Variants in OXR1 observed in about 807,000 individuals in gnomAD.
OXR1 encodes the protein oxidation resistance protein 1.
In OXR1, 41 loss-of-function variants were observed where a neutral mutation model predicts 104.6. The ratio of observed to expected loss-of-function variants is 0.39; its 90% CI spans 0.31 to 0.51. OXR1 has a LOEUF of 0.51. Among genes scored for constraint, OXR1 ranks in the 20% least tolerant of loss-of-function variants. The pLI is 0.77. For missense variants in OXR1, 955 were observed against 1,031.9 expected (o/e 0.93, Z 1.02); for synonymous variants, 348 against 348.4 (o/e 1.00, Z 0.01).
intron 2 of OXR1, among the ~76,000 whole-genome samples, chr8:106,469,127 T>C (rs942891061): frequency 6.6e-6 from 1 of 151,824 alleles, no homozygotes; most frequent in Non-Finnish European, 1.5e-5. Context: ...GTGAACATGA[T>C]AACCAAAGTC....
At chr8:106,294,505 G>C (rs1812906292) in intron 1 of OXR1, among the ~76,000 whole-genome samples, 2 of 151,982 alleles carry the variant, frequency 1.3e-5, no homozygotes, top group Admixed American at 6.6e-5. Flanking sequence ...GCATGGTGCT[G>C]GCCTCTTCTC....
intron 3 of OXR1, among the ~76,000 whole-genome samples, chr8:106,653,686 T>C (rs1824816506): frequency 1.3e-5 from 2 of 151,972 alleles, no homozygotes. Flanking sequence ...AATTCAGGAA[T>C]AAAACGATAT....
intron 1 of OXR1, among the ~76,000 whole-genome samples, chr8:106,297,658 T>C (rs970050081): frequency 6.6e-6 from 1 of 152,216 alleles, no homozygotes; most frequent in South Asian, 2.1e-4. Flanking sequence ...ATGCCATACA[T>C]AGTTGACTAA....
At chr8:106,554,598 G>A (rs1816120509) in intron 3 of OXR1, among the ~76,000 whole-genome samples, 1 of 152,130 alleles carries the variant, frequency 6.6e-6, no homozygotes, top group Non-Finnish European at 1.5e-5. Flanking sequence ...TGTATATGGT[G>A]ACTCTTAATG....
chr8:106,551,789 C>CATATATAT (rs200289561), intron 3 of OXR1, among the ~76,000 whole-genome samples: 101 of 127,296 alleles, frequency 7.9e-4, no homozygotes, highest in African/African-American at 1.3e-3. Context: ...CTCCACTATA[C>CATATATAT]ATATATATAT....
rs752921158 is a variant in OXR1, at chr8:106,631,652, TTC to T, written c.221-47556_221-47555del. Among the ~76,000 whole-genome samples, 29 of 152,222 alleles carry T rather than the reference TTC, an allele frequency of 1.9e-4. 1 individual carries two copies. The East Asian group carries it at 3.5e-3, about 18-fold the overall frequency. On this transcript the variant is annotated intron_variant, in intron 3 of 16. Coordinates refer to ENST00000517566, the MANE Select transcript of OXR1 (RefSeq NM_001198533.2). ...GAACATGTAATATGTTTTAATTGCA[TTC>T]TGTTACCGTATTTATTTCACTTCAC...
chr8:106,518,093 A>C (rs188343343), intron 2 of OXR1, among the ~76,000 whole-genome samples: 1 of 152,198 alleles, frequency 6.6e-6, no homozygotes, highest in Non-Finnish European at 1.5e-5. Flanking sequence ...GTACTAGAAA[A>C]GCCTAAATCA....
At chr8:106,329,094 C>T (rs1814601558) in intron 1 of OXR1, among the ~76,000 whole-genome samples, 1 of 151,928 alleles carries the variant, frequency 6.6e-6, no homozygotes, top group Non-Finnish European at 1.5e-5. Context: ...TGGGTTCAAG[C>T]GATTGTCCTG....
chr8:106,424,747 G>T (rs183024122), intron 2 of OXR1, among the ~76,000 whole-genome samples: 16 of 152,072 alleles, frequency 1.1e-4, no homozygotes, highest in Admixed American at 9.8e-4. Context: ...AAATTTATGA[G>T]ATTCTACTTT....
intron 2 of OXR1, among the ~76,000 whole-genome samples, chr8:106,510,076 C>T (rs1812424968): frequency 6.6e-6 from 1 of 152,170 alleles, no homozygotes; most frequent in South Asian, 2.1e-4. Flanking sequence ...CCAGCCCCAA[C>T]ACATATTCTT....
intron 2 of OXR1, among the ~76,000 whole-genome samples, chr8:106,489,089 T>C (rs1042530298): frequency 6.7e-6 from 1 of 150,276 alleles, no homozygotes; most frequent in African/African-American, 2.5e-5. Flanking sequence ...TTGTATCCTC[T>C]TTTATTTCCT....
At chr8:106,421,081 G>T (rs868342888) in intron 2 of OXR1, among the ~76,000 whole-genome samples, 19 of 152,042 alleles carry the variant, frequency 1.2e-4, no homozygotes, top group African/African-American at 4.6e-4. Context: ...TATGTACATA[G>T]TAAAACATAG....
At chr8:106,742,864 A>G (rs758222847) in intron 15 of OXR1, among the ~76,000 whole-genome samples, 7 of 152,202 alleles carry the variant, frequency 4.6e-5, no homozygotes, top group Non-Finnish European at 8.8e-5. Flanking sequence ...AATCTAGGCA[A>G]TACCATTTAG....
chr8:106,303,719 G>T (rs1466874995), intron 1 of OXR1, among the ~76,000 whole-genome samples: 2 of 152,112 alleles, frequency 1.3e-5, no homozygotes, highest in East Asian at 3.8e-4. Context: ...CAATAAACTT[G>T]TTTTAATTAA....
intron 3 of OXR1, among the ~76,000 whole-genome samples, chr8:106,597,593 T>C (rs993060291): frequency 3.3e-5 from 5 of 152,192 alleles, no homozygotes; most frequent in Admixed American, 2.6e-4. Context: ...TAAAAAATAG[T>C]TTTCTCTCAA....
At chr8:106,574,520 G>A (rs1817691483) in intron 3 of OXR1, among the ~76,000 whole-genome samples, 1 of 152,224 alleles carries the variant, frequency 6.6e-6, no homozygotes, top group Non-Finnish European at 1.5e-5. Context: ...AGTAAGTCTA[G>A]GAGATAAGAT....
At chr8:106,303,187 A>G (rs927105835) in intron 1 of OXR1, among the ~76,000 whole-genome samples, 1 of 150,898 alleles carries the variant, frequency 6.6e-6, no homozygotes, top group Admixed American at 6.6e-5. Flanking sequence ...TTTCACATAC[A>G]TACAGAATCA....
intron 2 of OXR1, among the ~76,000 whole-genome samples, chr8:106,503,645 G>A (rs1228582088): frequency 2.0e-5 from 3 of 152,204 alleles, no homozygotes; most frequent in African/African-American, 7.2e-5. Flanking sequence ...TGAAAAGGGG[G>A]AGAGACTACA....
In OXR1 at chr8:106,526,830, A is replaced by G. The variant is rs183136224; in HGVS notation, c.220+7691A>G. 2.5e-3 allele frequency among the ~76,000 whole-genome samples: 385 copies of G among 152,354 alleles called. 4 individuals are homozygous for G. Among genetic ancestry groups the G allele is most frequent in the African/African-American group, 8.6e-3 (359 of 41,590 alleles). ...AGTCCTGGGATTATAGGCGTGAGCC[A>G]CCGCGCCATGTATAGCTATTGTCTC... On this transcript the variant is annotated intron_variant, in intron 3 of 16. Transcript: ENST00000517566.
Sources: allele counts gnomAD v4.1 joint callset (sites outside exome capture counted in the v4.1 genomes callset), GRCh38; gene constraint gnomAD v4.1.1; transcripts MANE v1.5; gene names NCBI Gene and HGNC (gene_info 2026-07-23, HGNC 2026-07-21).